The following SGCD variants were observed in gnomAD, a reference collection of about 807,000 sequenced individuals.
SGCD encodes delta-sarcoglycan.
SGCD carries 18 observed loss-of-function variants against 36.6 expected under a neutral mutation model. The ratio of observed to expected loss-of-function variants is 0.49; its 90% CI spans 0.34 to 0.73. The LOEUF (loss-of-function observed/expected upper bound fraction) is 0.73. Ranked by LOEUF, SGCD falls within the 30% of genes least tolerant of loss-of-function variation. SGCD has a pLI of 0.01. For missense variants in SGCD, 387 were observed against 346.7 expected (o/e 1.12, Z -0.92); for synonymous variants, 133 against 130.6 (o/e 1.02, Z -0.12).
chr5:156,491,693 G>A (rs923893057), intron 3 of SGCD, among the ~76,000 whole-genome samples: 4 of 151,924 alleles, frequency 2.6e-5, no homozygotes, highest in Non-Finnish European at 5.9e-5. Context: ...AACCTAACTA[G>A]AAGCACCCTA....
chr5:156,090,023 G>A (rs1761202032), intron 1 of SGCD, among the ~76,000 whole-genome samples: 1 of 152,078 alleles, frequency 6.6e-6, no homozygotes, highest in Non-Finnish European at 1.5e-5. Context: ...AAATGAATAT[G>A]AAGGTCCCTG....
chr5:156,234,083 A>C (rs1358178221), intron 3 of SGCD, among the ~76,000 whole-genome samples: 3 of 152,150 alleles, frequency 2.0e-5, no homozygotes, highest in Non-Finnish European at 2.9e-5. Context: ...GACTTTAGCT[A>C]TTCTAATAGG....
chr5:155,866,701 CCTAA>C (rs1399069292), upstream of SGCD, among the ~76,000 whole-genome samples: 1 of 152,290 alleles, frequency 6.6e-6, no homozygotes, highest in African/African-American at 2.4e-5. Context: ...TTCATTCCAT[CCTAA>C]CAGCAGGGAT....
chr5:155,782,144 C>T, the SGCD span, among the ~76,000 whole-genome samples: 4 of 151,838 alleles, frequency 2.6e-5, no homozygotes, highest in African/African-American at 9.7e-5. Context: ...CCTGCTTCAG[C>T]CTCCTGAGTA....
At chr5:156,250,273 T>C (rs1013595087) in intron 3 of SGCD, among the ~76,000 whole-genome samples, 2 of 152,222 alleles carry the variant, frequency 1.3e-5, no homozygotes, top group African/African-American at 4.8e-5. Context: ...CCTTTCTAAA[T>C]TGAACTCTGA....
chr5:155,850,933 A>G, the SGCD span, among the ~76,000 whole-genome samples: 1 of 152,210 alleles, frequency 6.6e-6, no homozygotes, highest in Non-Finnish European at 1.5e-5. Flanking sequence ...AGATTCTGAT[A>G]AAATTGCAGG....
chr5:156,267,101 C>T (rs1297915818), intron 3 of SGCD, among the ~76,000 whole-genome samples: 1 of 152,180 alleles, frequency 6.6e-6, no homozygotes, highest in East Asian at 1.9e-4. Context: ...TCAGACTCCA[C>T]TTCCTCATTT....
chr5:156,554,312 G>A (rs148717970), intron 4 of SGCD, among the ~76,000 whole-genome samples: 12 of 149,642 alleles, frequency 8.0e-5, no homozygotes, highest in Non-Finnish European at 1.5e-4. Flanking sequence ...CTGAGATCAC[G>A]CCACTGCACT....
chr5:156,648,585 G>A (rs1763324196), intron 7 of SGCD, among the ~76,000 whole-genome samples: 2 of 152,124 alleles, frequency 1.3e-5, no homozygotes, highest in South Asian at 4.1e-4. Context: ...TGGGCCAAAG[G>A]AAGAGGATAG....
intron 1 of SGCD, among the ~76,000 whole-genome samples, chr5:156,018,526 G>A (rs1326654056): frequency 1.3e-5 from 2 of 152,136 alleles, no homozygotes; most frequent in East Asian, 1.9e-4. Context: ...TTATGTACAC[G>A]TGTATTGGTA....
At chr5:155,831,321 G>A in the SGCD span, among the ~76,000 whole-genome samples, 18 of 152,218 alleles carry the variant, frequency 1.2e-4, no homozygotes, top group East Asian at 1.9e-3. Context: ...CCGTGCCTCC[G>A]TCTCCTAGTT....
At chr5:156,646,332 G>A (rs1300038114) in intron 6 of SGCD, among the ~76,000 whole-genome samples, 1 of 152,174 alleles carries the variant, frequency 6.6e-6, no homozygotes, top group Admixed American at 6.5e-5. Flanking sequence ...GTGGGCACCA[G>A]CTTAGCCTGG....
At chr5:155,771,013 T>A in the SGCD span, among the ~76,000 whole-genome samples, 18 of 152,152 alleles carry the variant, frequency 1.2e-4, no homozygotes, top group African/African-American at 3.1e-4. Context: ...GAAGTTTGAA[T>A]TTTTGACATC....
At chr5:155,735,069 A>G in the SGCD span, among the ~76,000 whole-genome samples, 1 of 152,214 alleles carries the variant, frequency 6.6e-6, no homozygotes, top group Non-Finnish European at 1.5e-5. Context: ...TCACAAAAAC[A>G]TTTTTGGATG....
intron 3 of SGCD, among the ~76,000 whole-genome samples, chr5:156,289,472 C>T (rs971841416): frequency 6.6e-5 from 10 of 151,890 alleles, no homozygotes; most frequent in Admixed American, 1.3e-4. Flanking sequence ...CCTCACCCCC[C>T]ACAGGCCCCG....
At chr5:155,830,801 A>G in the SGCD span, among the ~76,000 whole-genome samples, 2 of 152,354 alleles carry the variant, frequency 1.3e-5, no homozygotes, top group East Asian at 1.9e-4. Context: ...TGGGGGCCAC[A>G]TAAGTTCTTC....
In SGCD at chr5:156,601,348, A is replaced by G. The variant is rs183906521; in HGVS notation, c.502+6297A>G. Reference sequence around the variant, plus strand: ...GGTAGAGGTCTAATCTCATTCTTCTACATGTGGATATCCAATTTTCTGGCA... The same window carrying G: ...GGTAGAGGTCTAATCTCATTCTTCTGCATGTGGATATCCAATTTTCTGGCA... On this transcript the variant is annotated intron_variant, in intron 6 of 8. Transcript: ENST00000337851. Among the ~76,000 whole-genome samples, 38 of 152,148 alleles carry G rather than the reference A, an allele frequency of 2.5e-4. No homozygotes were observed. The South Asian group carries it at 4.1e-3, about 17-fold the overall frequency.
intron 1 of SGCD, among the ~76,000 whole-genome samples, chr5:155,994,197 A>G (rs1356123777): frequency 6.6e-6 from 1 of 152,120 alleles, no homozygotes; most frequent in East Asian, 1.9e-4. Context: ...AAAGGACTTG[A>G]CTTTACATTG....
At chr5:155,840,173 T>C in the SGCD span, among the ~76,000 whole-genome samples, 3 of 152,038 alleles carry the variant, frequency 2.0e-5, no homozygotes. Flanking sequence ...ACTTTGGCTA[T>C]TGAGAGTTCT....
Sources: allele counts gnomAD v4.1 joint callset (sites outside exome capture counted in the v4.1 genomes callset), GRCh38; gene constraint gnomAD v4.1.1; transcripts MANE v1.5; gene names NCBI Gene and HGNC (gene_info 2026-07-23, HGNC 2026-07-21).